TENM1: variants seen among roughly 807,000 people sequenced by gnomAD.
The protein encoded by TENM1 is teneurin-1.
Under a neutral mutation model 174.8 loss-of-function variants are expected in TENM1, and 35 were observed. The observed-to-expected ratio is 0.20, with a 90% CI of 0.15 to 0.27. TENM1 has a LOEUF of 0.27. Among genes scored for constraint, TENM1 ranks in the 10% least tolerant of loss-of-function variants. The pLI is 1.00. For missense variants in TENM1, 1,633 were observed against 2,130.1 expected (o/e 0.77, Z 4.59); for synonymous variants, 781 against 798.7 (o/e 0.98, Z 0.37).
intron 1 of TENM1, among the ~76,000 whole-genome samples, chrX:124,957,669 G>A (rs755717364): frequency 1.9e-5 from 2 of 107,910 alleles, no homozygotes; most frequent in Admixed American, 9.9e-5. Context: ...TAATCCTGAA[G>A]AGAAAAACAA....
At chrX:125,168,130 T>G in the TENM1 span, among the ~76,000 whole-genome samples, 2,586 of 111,658 alleles carry the variant, frequency 0.023, 40 homozygotes, top group Non-Finnish European at 0.036. Flanking sequence ...GTGTCTTTAG[T>G]GTCTCTTTCT....
intron 19 of TENM1, among the ~76,000 whole-genome samples, chrX:124,502,928 G>A (rs986888066): frequency 8.1e-5 from 9 of 111,711 alleles, no homozygotes; most frequent in African/African-American, 2.9e-4. Context: ...GGATCCCTTA[G>A]TTTGGTCAGT....
the TENM1 span, among the ~76,000 whole-genome samples, chrX:125,013,879 T>C: frequency 8.9e-6 from 1 of 111,871 alleles, no homozygotes; most frequent in Non-Finnish European, 1.9e-5. Context: ...GATGATACAA[T>C]AGAAAACATT....
chrX:124,721,432 G>A (rs908952533), intron 4 of TENM1, among the ~76,000 whole-genome samples: 3 of 111,883 alleles, frequency 2.7e-5, no homozygotes, highest in Non-Finnish European at 5.6e-5. Context: ...CAACAAGGAT[G>A]GCAATTTGTA....
At chrX:124,941,928 A>C (rs1231204464) in intron 1 of TENM1, among the ~76,000 whole-genome samples, 1 of 111,795 alleles carries the variant, frequency 8.9e-6, no homozygotes, top group Non-Finnish European at 1.9e-5. Flanking sequence ...AAAGAGAATG[A>C]GAGCCAAGTG....
chrX:124,843,221 T>A lies in TENM1; in HGVS notation c.535+51075A>T, dbSNP rs183477365. Among the ~76,000 whole-genome samples the A allele has an allele frequency of 3.9e-3, 434 of 111,946 alleles. 6 individuals are homozygous for A. Among genetic ancestry groups the A allele is most frequent in the Non-Finnish European group, 4.6e-3 (242 of 53,104 alleles). On this transcript the variant is annotated intron_variant, in intron 3 of 31. Coordinates refer to ENST00000422452, the Ensembl canonical transcript of TENM1. ...CAACAGTGCACCTGTAATAAAAAAT[T>A]AAACTTGTTCTCTTTAAGCACTGTT...
At chrX:124,727,584 T>C (rs1011021885) in intron 4 of TENM1, among the ~76,000 whole-genome samples, 6 of 111,917 alleles carry the variant, frequency 5.4e-5, no homozygotes, top group Non-Finnish European at 9.4e-5. Context: ...TTTGAATTCC[T>C]GACAGAAATA....
intron 8 of TENM1, among the ~76,000 whole-genome samples, chrX:124,650,551 G>A (rs1304017916): frequency 9.0e-6 from 1 of 111,641 alleles, no homozygotes; most frequent in Non-Finnish European, 1.9e-5. Flanking sequence ...ATCGGTTAGT[G>A]TTTTAACTTG....
intron 4 of TENM1, among the ~76,000 whole-genome samples, chrX:124,733,148 T>C (rs989865726): frequency 8.1e-5 from 9 of 111,568 alleles, no homozygotes; most frequent in Admixed American, 6.6e-4. Context: ...GTTGAAGGAA[T>C]TGGGGAAACA....
At chrX:124,587,673 G>C (rs1280199229) in intron 11 of TENM1, among the ~76,000 whole-genome samples, 43 of 111,105 alleles carry the variant, frequency 3.9e-4, no homozygotes, top group Non-Finnish European at 5.3e-4. Flanking sequence ...AGCAACAAAA[G>C]CCAAAATTGA....
intron 27 of TENM1, 84 bp downstream of exon 30, chrX:124,404,947 G>A: frequency 1.2e-6 from 1 of 806,797 alleles, no homozygotes; most frequent in Non-Finnish European, 1.8e-6. Context: ...GGGAGGCTCT[G>A]CAGTTAAACA....
chrX:124,610,695 T>C (rs2050258830), intron 11 of TENM1, among the ~76,000 whole-genome samples: 2 of 111,433 alleles, frequency 1.8e-5, no homozygotes, highest in African/African-American at 6.5e-5. Context: ...ACAAGATCTT[T>C]TCTGCCAGGG....
the TENM1 span, among the ~76,000 whole-genome samples, chrX:125,121,544 GCTT>G: frequency 1.2e-4 from 13 of 111,451 alleles, no homozygotes; most frequent in Non-Finnish European, 9.4e-5. Flanking sequence ...ATTTGTGTAG[GCTT>G]CTTGATTTTT....
chrX:125,149,515 G>A, the TENM1 span, among the ~76,000 whole-genome samples: 22 of 111,941 alleles, frequency 2.0e-4, no homozygotes, highest in South Asian at 3.0e-3. Flanking sequence ...GAAATATTTC[G>A]TTCTTAATGA....
chrX:125,082,382 C>A, the TENM1 span, among the ~76,000 whole-genome samples: 1 of 110,679 alleles, frequency 9.0e-6, no homozygotes, highest in Non-Finnish European at 1.9e-5. Context: ...TCAAAAGCCT[C>A]CAACAGTATT....
At chrX:124,888,882 G>C (rs1027294742) in intron 3 of TENM1, among the ~76,000 whole-genome samples, 12 of 112,239 alleles carry the variant, frequency 1.1e-4, no homozygotes, top group Non-Finnish European at 2.3e-4. Context: ...AAGAAACTAA[G>C]ACTTGGAGAT....
chrX:125,139,333 G>C, the TENM1 span, among the ~76,000 whole-genome samples: 2 of 111,121 alleles, frequency 1.8e-5, no homozygotes, highest in Non-Finnish European at 3.8e-5. Flanking sequence ...GTCATCATCC[G>C]TGAAGTATAG....
chrX:124,393,900 T>C (rs2060307845), intron 27 of TENM1, among the ~76,000 whole-genome samples: 1 of 112,650 alleles, frequency 8.9e-6, no homozygotes, highest in African/African-American at 3.2e-5. Flanking sequence ...TTTTCTTATC[T>C]GTGAAACAAG....
chrX:124,956,129 T>A (rs142303912), intron 1 of TENM1, among the ~76,000 whole-genome samples: 1 of 112,019 alleles, frequency 8.9e-6, no homozygotes, highest in Non-Finnish European at 1.9e-5. Flanking sequence ...ATAATCAATG[T>A]CACCATGCCC....
Sources: allele counts gnomAD v4.1 joint callset (sites outside exome capture counted in the v4.1 genomes callset), GRCh38; gene constraint gnomAD v4.1.1; transcripts MANE v1.5; gene names NCBI Gene and HGNC (gene_info 2026-07-23, HGNC 2026-07-21).